LIPG: variants seen among roughly 807,000 people sequenced by gnomAD.
The protein encoded by LIPG is lipase G, endothelial type.
In LIPG, 34 loss-of-function variants were observed where a neutral mutation model predicts 51.8. The observed-to-expected ratio is 0.66, with a 90% CI of 0.50 to 0.87. The LOEUF is 0.87. Among genes scored for constraint, LIPG ranks in the 40% least tolerant of loss-of-function variants. LIPG has a pLI of 0.00. For synonymous variants in LIPG, 246 were observed against 246.1 expected, an observed-to-expected ratio of 1.00 and a Z score of 0.00; for missense variants, 580 against 652.7, an observed-to-expected ratio of 0.89 and a Z score of 1.21.
At chr18:49,590,094 A>G (rs1052034779) in intron 9 of LIPG, 1 of 334,768 alleles carries the variant, frequency 3.0e-6, no homozygotes, top group Non-Finnish European at 5.8e-6. Flanking sequence ...CTTTCTGCCA[A>G]TACAGTGTCT....
intron 1 of LIPG, among the ~76,000 whole-genome samples, chr18:49,565,079 CAG>C (rs1443821493): frequency 6.6e-6 from 1 of 152,188 alleles, no homozygotes; most frequent in Non-Finnish European, 1.5e-5. Flanking sequence ...CTATTTATTT[CAG>C]AGTGACAGTA....
intron 1 of LIPG, among the ~76,000 whole-genome samples, chr18:49,564,195 G>T: frequency 6.6e-6 from 1 of 151,946 alleles, no homozygotes; most frequent in African/African-American, 2.4e-5. Context: ...TCTTCCTTTT[G>T]CTTCTTAACT....
At chr18:49,571,976 T>C (rs2084668655) in intron 4 of LIPG, among the ~76,000 whole-genome samples, 3 of 152,218 alleles carry the variant, frequency 2.0e-5, no homozygotes, top group Admixed American at 2.0e-4. Flanking sequence ...ATTCAAGAAA[T>C]GTGTCCATAT....
At chr18:49,580,499 C>A (rs955361783) in intron 5 of LIPG, among the ~76,000 whole-genome samples, 1 of 152,156 alleles carries the variant, frequency 6.6e-6, no homozygotes, top group African/African-American at 2.4e-5. Flanking sequence ...AGGTGGCCAG[C>A]AGGCATGGTG....
chr18:49,590,172 A>AG (rs2084925074), intron 9 of LIPG: 14 of 318,540 alleles, frequency 4.4e-5, no homozygotes, highest in Non-Finnish European at 7.3e-5. Flanking sequence ...TGTGTCCATG[A>AG]TTGTGTGTGT....
chr18:49,575,368 G>C lies in LIPG; in HGVS notation c.572-1G>C. ...TGTTTTGGGGCCTCCTTCTGCTGCA[G>C]GTTTGGATCCTGCCGGGCCCATGTT... On this transcript the variant is annotated splice_acceptor_variant, in intron 4 of 9. Coordinates refer to ENST00000261292, the MANE Select transcript of LIPG (RefSeq NM_006033.4). LOFTEE classifies it high-confidence loss of function. 1 of 1,612,314 alleles carries C rather than the reference G, an allele frequency of 6.2e-7. No individual in the cohort carries two copies. Among genetic ancestry groups the C allele is most frequent in the South Asian group, 1.1e-5 (1 of 91,000 alleles).
Position 49,562,378 on chromosome 18 carries a change from C to A in LIPG, c.70C>A (p.Pro24Thr). The A allele has an allele frequency of 6.2e-7, 1 of 1,614,032 alleles. No individual in the cohort carries two copies. Among genetic ancestry groups the A allele is most frequent in the Non-Finnish European group, 8.5e-7 (1 of 1,180,040 alleles). Residue 24 changes from proline (P) to threonine (T), a missense_variant, in exon 1 of 10, where the codon CCT (proline) becomes ACT (threonine). Pro to Thr is a conservative substitution (Grantham distance 38). Coordinates refer to ENST00000261292, the MANE Select transcript of LIPG (RefSeq NM_006033.4). ...TTGCTTTGCTGCGGGGAGCCCCGTACCTTTTGGTCCAGAGGGACGGCTGGA... is the reference window on the plus strand; with the variant it reads ...TTGCTTTGCTGCGGGGAGCCCCGTAACTTTTGGTCCAGAGGGACGGCTGGA... ...CYCFAAGSPV[P>T]FGPEGRLEDK...
At chr18:49,587,568 C>CAAAAAAA (rs34734805) in intron 9 of LIPG, among the ~76,000 whole-genome samples, 33 of 42,306 alleles carry the variant, frequency 7.8e-4, no homozygotes, top group African/African-American at 2.3e-3. Context: ...GACTCCGTCT[C>CAAAAAAA]AAAAAAAAAA....
Position 49,575,410 on chromosome 18 carries a change from C to T in LIPG, c.613C>T (p.His205Tyr), listed in dbSNP as rs111884773. Residue 205 changes from histidine to tyrosine, a missense_variant, in exon 5 of 10, where the codon CAC (histidine) becomes TAC (tyrosine). His to Tyr is a moderately conservative substitution (Grantham distance 83). Transcript: ENST00000261292. ...AGPMFEGADI[H>Y]KRLSPDDADF... ...GCCCATGTTTGAAGGGGCCGACATC[C>T]ACAAGAGGCTCTCTCCGGACGATGC... is the stretch of plus-strand genomic sequence containing the variant. The T allele has an allele frequency of 6.2e-7, 1 of 1,613,768 alleles. No individual in the cohort carries two copies. Among genetic ancestry groups the T allele is most frequent in the Non-Finnish European group, 8.5e-7 (1 of 1,180,042 alleles).
rs1008275943 is a variant in LIPG at position 49,596,927 on chromosome 18, G to A, written c.*6405G>A. 6.6e-6 allele frequency: 1 copy of A among 152,220 alleles called. No individual in the cohort carries two copies. Among genetic ancestry groups the A allele is most frequent in the Non-Finnish European group, 1.5e-5 (1 of 68,048 alleles). The allele number at this position is 152,220 out of a possible 1,614,324, so 9.4% of individuals were successfully genotyped here. A position where few individuals can be genotyped will look rare whatever the true frequency, so the allele number is the denominator to read the frequency against. ...TGTAGCTGACTTCCACAAGGGATCT[G>A]TTGGGAGCTTGTAACTGAACTGAAG... On this transcript the variant is annotated 3_prime_UTR_variant, in exon 10 of 10. Transcript: ENST00000261292.
Position 49,565,359 on chromosome 18 carries a change from C to T in LIPG, c.140C>T (p.Pro47Leu). ...KPKATQTEVK[P>L]SVRFNLRTSK... ...AAAGCTACACAGACTGAGGTCAAAC[C>T]ATCTGTGAGGTTTAACCTCCGCACC... The change falls in exon 2 of 10, where the codon CCA becomes CTA. Residue 47 changes from proline to leucine, a missense_variant. Pro to Leu is a moderately conservative substitution (Grantham distance 98, BLOSUM62 -3). Coordinates refer to ENST00000261292, the MANE Select transcript of LIPG (RefSeq NM_006033.4). 1.2e-6 allele frequency: 2 copies of T among 1,614,168 alleles called. No individual in the cohort carries two copies. The highest frequency in any genetic ancestry group is 3.3e-5 in the Admixed American group (2 of 60,020).
rs1448436976 is a variant in LIPG, at chr18:49,575,356, CCTT to C, written c.572-10_572-8del. 1.2e-6 allele frequency: 2 copies of C among 1,611,432 alleles called. No individual in the cohort carries two copies. The highest frequency in any genetic ancestry group is 1.7e-6 in the Non-Finnish European group (2 of 1,179,552). Reference sequence around the variant, plus strand: ...TGACACCACAGCTGTTTTGGGGCCTCCTTCTGCTGCAGGTTTGGATCCTGCCGG... The same window carrying C: ...TGACACCACAGCTGTTTTGGGGCCTCCTGCTGCAGGTTTGGATCCTGCCGG... On this transcript the variant is annotated splice_polypyrimidine_tract_variant and intron_variant, in intron 4 of 9. Transcript: ENST00000261292.
In LIPG at chr18:49,573,748, G is replaced by A. The variant is rs186046236; in HGVS notation, c.572-1621G>A. 1.0e-3 allele frequency among the ~76,000 whole-genome samples: 154 copies of A among 152,212 alleles called. 1 individual carries two copies. The Middle Eastern group carries it at 0.01, about 10-fold the overall frequency. ...ACTACCATCTCAAGTCTCCTGATAG[G>A]CTCCCTGGTTCTAATGTGCTGTGGT... On this transcript the variant is annotated intron_variant, in intron 4 of 9. Coordinates refer to ENST00000261292, the MANE Select transcript of LIPG (RefSeq NM_006033.4).
intron 7 of LIPG, 114 bp downstream of exon 7, chr18:49,582,596 C>A: frequency 7.2e-7 from 1 of 1,392,908 alleles, no homozygotes; most frequent in Non-Finnish European, 1.0e-6. Context: ...TGCAGTCCGA[C>A]TGCTCAGGGA....
intron 8 of LIPG, among the ~76,000 whole-genome samples, chr18:49,584,466 G>A (rs1396069591): frequency 2.6e-5 from 4 of 152,208 alleles, no homozygotes; most frequent in Non-Finnish European, 5.9e-5. Context: ...GGAAGCCTGC[G>A]AGACCTTTGT....
intron 5 of LIPG, among the ~76,000 whole-genome samples, chr18:49,576,441 A>C (rs1217404431): frequency 7.9e-6 from 1 of 126,960 alleles, no homozygotes; most frequent in African/African-American, 3.0e-5. Context: ...TTCTTTTTTT[A>C]AAAGACAGAA....
intron 1 of LIPG, among the ~76,000 whole-genome samples, chr18:49,562,822 G>C (rs1254560976): frequency 6.6e-6 from 1 of 152,214 alleles, no homozygotes; most frequent in Non-Finnish European, 1.5e-5. Flanking sequence ...TCTTGGTGTA[G>C]GTGTCTTGAA....
intron 1 of LIPG, 111 bp from the exon 2 acceptor site, chr18:49,565,206 C>T (rs940386427): frequency 2.6e-5 from 27 of 1,053,558 alleles, no homozygotes; most frequent in Middle Eastern, 2.9e-4. Flanking sequence ...ATGTAAAAAC[C>T]GAAACCCAGA....
intron 5 of LIPG, among the ~76,000 whole-genome samples, chr18:49,578,788 A>C (rs2084763835): frequency 6.6e-6 from 1 of 151,334 alleles, no homozygotes. Flanking sequence ...CGGGAGGCCA[A>C]GGCTGGCGGA....
Sources: gnomAD v4.1 joint callset for allele counts (sites outside exome capture counted in the v4.1 genomes callset) on GRCh38, gnomAD v4.1.1 for gene constraint, MANE v1.5 for transcripts, NCBI Gene and HGNC (gene_info 2026-07-23, HGNC 2026-07-21) for gene names.